Variants in GDI2 observed in about 807,000 individuals in gnomAD.
The protein encoded by GDI2 is GDP dissociation inhibitor 2, also known as rab GDP dissociation inhibitor beta.
In GDI2, 22 loss-of-function variants were observed where a neutral mutation model predicts 54.2. That is an observed-to-expected ratio of 0.41 (90% confidence interval 0.29 to 0.58). The LOEUF is 0.58. GDI2 is among the 20% of genes least tolerant of loss of function. The pLI, the probability that GDI2 is intolerant of heterozygous loss-of-function variation, is 0.35. For missense variants in GDI2, 422 were observed against 546.0 expected (o/e 0.77, Z 2.26); for synonymous variants, 177 against 182.1 (o/e 0.97, Z 0.23).
At chr10:5,804,010 A>G (rs7893673) in intron 1 of GDI2, among the ~76,000 whole-genome samples, 135,150 of 152,128 alleles carry the variant, frequency 0.89, 61,165 homozygotes, top group Non-Finnish European at 0.99. Context: ...CTTCCATAAT[A>G]TATCTATTCA....
chr10:5,800,255 G>A (rs1239369732), intron 2 of GDI2, among the ~76,000 whole-genome samples: 1 of 151,966 alleles, frequency 6.6e-6, no homozygotes, highest in Non-Finnish European at 1.5e-5. Flanking sequence ...TAACCCCACA[G>A]AGACTATGTT....
At chr10:5,810,269 T>C (rs1423420244) in intron 1 of GDI2, among the ~76,000 whole-genome samples, 1 of 152,166 alleles carries the variant, frequency 6.6e-6, no homozygotes, top group Non-Finnish European at 1.5e-5. Context: ...TCATAAATTC[T>C]TACTGTGTAG....
intron 1 of GDI2, among the ~76,000 whole-genome samples, chr10:5,801,454 A>G (rs1841267843): frequency 6.6e-6 from 1 of 152,012 alleles, no homozygotes; most frequent in South Asian, 2.1e-4. Context: ...GGGGAGGTGG[A>G]TCACCTGAGG....
intron 1 of GDI2, among the ~76,000 whole-genome samples, chr10:5,812,792 G>C (rs2131728388): frequency 6.6e-6 from 1 of 152,336 alleles, no homozygotes. Flanking sequence ...GGCCGAGGCG[G>C]AATAGGAAAT....
At position 5,766,510 on chromosome 10, in the gene GDI2, C is replaced by T. The variant is rs201939478; in HGVS notation, c.1120G>A (p.Glu374Lys). 3 of 1,613,596 alleles carry T rather than the reference C, an allele frequency of 1.9e-6. No individual in the cohort carries two copies. Residue 374 changes from glutamate to lysine, a missense_variant, in exon 9 of 11, where the codon GAA becomes AAA. Transcript: ENST00000380191. The surrounding 1 kb of genome is among the most constrained non-coding windows in gnomAD (Gnocchi z 5.8). ...ACAACTCACTTCTGTTCAATTGGTT[C>T]CAAGAGCTCCAAAGCTGGTCTGATT... Reference protein sequence around the residue: ...KEIRPALELLEPIEQKFVSIS... With the variant: ...KEIRPALELLKPIEQKFVSIS...
rs56672226 is a variant in GDI2, at chr10:5,808,697, TAAAAA to T, written c.45+4512_45+4516del. Among the ~76,000 whole-genome samples the T allele has an allele frequency of 1.6e-3, 136 of 86,246 alleles. 3 individuals carry two copies. In the East Asian group the frequency reaches 0.032, roughly 21 times the overall value. The allele number at this position is 86,246 out of a possible 152,430, so 56.6% of individuals were successfully genotyped here. A position where few individuals can be genotyped will look rare whatever the true frequency, so the allele number is the denominator to read the frequency against. On this transcript the variant is annotated intron_variant, in intron 1 of 10. Coordinates refer to ENST00000380191, the MANE Select transcript of GDI2 (RefSeq NM_001494.4). ...CAGAAATAAAAAGTATTGTTGTTAT[TAAAAA>T]AAAAAAAAAAAAAAAACTACAAATA...
At position 5,813,284 on chromosome 10, in the gene GDI2, C is replaced by G. The variant is rs1320548878; in HGVS notation, c.-26G>C. 3.2e-6 allele frequency: 5 copies of G among 1,564,580 alleles called. No homozygotes were observed. The African/African-American group carries it at 6.8e-5, about 21-fold the overall frequency. On this transcript the variant is annotated 5_prime_UTR_variant, in exon 1 of 11. Transcript: ENST00000380191. The stretch of plus-strand genomic sequence containing the variant: ...GGCGGGGCAGGCGCGGACGCAGGAC[C>G]CGAGCAAGGAAAAGGCGCAGGGGCT...
intron 5 of GDI2, among the ~76,000 whole-genome samples, chr10:5,785,575 C>A (rs1840855416): frequency 6.6e-6 from 1 of 152,080 alleles, no homozygotes; most frequent in Non-Finnish European, 1.5e-5. Context: ...GGGGTTTCAC[C>A]ATGTTGGCCA....
Position 5,776,424 on chromosome 10 carries a change from G to T in GDI2, c.720-2483C>A. The stretch of plus-strand genomic sequence containing the variant: ...CCTGCCTGAGATTCAAGGGATCTTT[G>T]ACAGGGATCCAGACACGCTACTATT... On this transcript the variant is annotated intron_variant, in intron 6 of 10. Coordinates refer to ENST00000380191, the MANE Select transcript of GDI2 (RefSeq NM_001494.4). The surrounding 1 kb of genome is among the most constrained non-coding windows in gnomAD (Gnocchi z 5.3). 1 of 804,142 alleles carries T rather than the reference G, an allele frequency of 1.2e-6. No homozygotes were observed. The highest frequency in any genetic ancestry group is 2.2e-6 in the Non-Finnish European group (1 of 452,532). 49.8% of individuals were successfully genotyped at this position (804,142 alleles called of 1,614,324 possible). A position where few individuals can be genotyped will look rare whatever the true frequency, so the allele number is the denominator to read the frequency against.
chr10:5,794,320 TCTC>T (rs575365574), intron 4 of GDI2, among the ~76,000 whole-genome samples: 24 of 149,166 alleles, frequency 1.6e-4, no homozygotes, highest in African/African-American at 5.4e-4. Flanking sequence ...AATGAGTACT[TCTC>T]CTGTTGGCAC....
At position 5,774,035 on chromosome 10, in the gene GDI2, C is replaced by T. The variant is rs1840560167; in HGVS notation, c.720-94G>A. On this transcript the variant is annotated intron_variant, in intron 6 of 10. Transcript: ENST00000380191. The surrounding 1 kb of genome is among the most constrained non-coding windows in gnomAD (Gnocchi z 4.8). ...ATCTTAATGAGTTACAGACAATATA[C>T]ATTTGTTCAATTTCCTTCTAGAAAG... is the stretch of plus-strand genomic sequence containing the variant. 1.7e-6 allele frequency: 1 copy of T among 595,908 alleles called. No individual in the cohort carries two copies. Among genetic ancestry groups the T allele is most frequent in the East Asian group, 2.9e-5 (1 of 34,206 alleles). The allele number at this position is 595,908 out of a possible 1,614,324, so 36.9% of individuals were successfully genotyped here.
intron 1 of GDI2, among the ~76,000 whole-genome samples, chr10:5,801,641 A>T (rs1841271823): frequency 6.6e-6 from 1 of 152,120 alleles, no homozygotes; most frequent in South Asian, 2.1e-4. Context: ...ACACCACTGC[A>T]CTCCAGCCTG....
chr10:5,800,264 T>A (rs983708300), intron 2 of GDI2, among the ~76,000 whole-genome samples: 3 of 151,948 alleles, frequency 2.0e-5, no homozygotes, highest in Non-Finnish European at 4.4e-5. Flanking sequence ...AGAGACTATG[T>A]TAAATGGAGA....
intron 4 of GDI2, among the ~76,000 whole-genome samples, chr10:5,786,640 A>C (rs551092650): frequency 1.3e-5 from 2 of 152,220 alleles, no homozygotes; most frequent in Non-Finnish European, 2.9e-5. Flanking sequence ...TATGTTTCTT[A>C]CTAGGTACAA....
chr10:5,795,538 T>C (rs1404558776), intron 3 of GDI2, among the ~76,000 whole-genome samples: 3 of 152,224 alleles, frequency 2.0e-5, no homozygotes, highest in Non-Finnish European at 4.4e-5. Flanking sequence ...GTTGAATACA[T>C]AGGTTTTTTT....
chr10:5,773,321 G>T (rs1025847051), intron 7 of GDI2, among the ~76,000 whole-genome samples: 2 of 152,108 alleles, frequency 1.3e-5, no homozygotes, highest in Non-Finnish European at 2.9e-5. Context: ...AATGGCAGAA[G>T]AATTAATTCA....
At chr10:5,784,383 T>C (rs1368209402) in intron 6 of GDI2, among the ~76,000 whole-genome samples, 9 of 152,346 alleles carry the variant, frequency 5.9e-5, no homozygotes, top group Middle Eastern at 3.4e-3. Context: ...TCGTGCCTCC[T>C]TGATTGGCGT....
intron 1 of GDI2, among the ~76,000 whole-genome samples, chr10:5,805,330 T>G (rs1022398685): frequency 1.4e-5 from 2 of 143,470 alleles, no homozygotes; most frequent in Non-Finnish European, 3.0e-5. Flanking sequence ...TCTGAGTTAG[T>G]AGGTCTGAGG....
chr10:5,787,045 A>AT (rs1265314817), intron 4 of GDI2, among the ~76,000 whole-genome samples: 1 of 147,472 alleles, frequency 6.8e-6, no homozygotes, highest in African/African-American at 2.4e-5. Context: ...AAATTTTCTG[A>AT]TTTTATCTCC....
Sources: gnomAD v4.1 joint callset for allele counts (sites outside exome capture counted in the v4.1 genomes callset) on GRCh38, gnomAD v4.1.1 for gene constraint, Gnocchi (gnomAD v3.1) non-coding constraint, MANE v1.5 for transcripts, NCBI Gene and HGNC (gene_info 2026-07-23, HGNC 2026-07-21) for gene names.